PCDHA2: variants seen among roughly 807,000 people sequenced by gnomAD.
PCDHA2 encodes protocadherin alpha 2.
PCDHA2 carries 58 observed loss-of-function variants against 66.0 expected under a neutral mutation model. The ratio of observed to expected loss-of-function variants is 0.88; its 90% CI spans 0.71 to 1.09. The LOEUF (loss-of-function observed/expected upper bound fraction) is 1.09. Among genes scored for constraint, PCDHA2 ranks in the 50% least tolerant of loss-of-function variants. The probability of loss-of-function intolerance (pLI) is 0.00; values close to 1 mark genes in which losing one functional copy is unlikely to be tolerated. For missense variants in PCDHA2, 1,267 were observed against 1,242.3 expected, an observed-to-expected ratio of 1.02 and a Z score of -0.30; for synonymous variants, 634 against 554.0, an observed-to-expected ratio of 1.14 and a Z score of -2.03.
chr5:140,869,320 G>A, intron 1 of PCDHA2: 1 of 1,613,846 alleles, frequency 6.2e-7, no homozygotes, highest in Non-Finnish European at 8.5e-7. Flanking sequence ...AACACATGGG[G>A]ACCTTCTGGA....
intron 3 of PCDHA2, among the ~76,000 whole-genome samples, chr5:140,996,349 A>G (rs2097722990): frequency 6.6e-6 from 1 of 152,184 alleles, no homozygotes; most frequent in African/African-American, 2.4e-5. Flanking sequence ...AACCCAACCA[A>G]AGTCAGAAGC....
chr5:140,976,545 T>C (rs781810490), intron 1 of PCDHA2, among the ~76,000 whole-genome samples: 1 of 152,078 alleles, frequency 6.6e-6, no homozygotes, highest in Non-Finnish European at 1.5e-5. Flanking sequence ...AGTAAGACCC[T>C]ATCTCATAAA....
chr5:140,964,909 A>G (rs1164322313), intron 1 of PCDHA2, among the ~76,000 whole-genome samples: 1 of 152,208 alleles, frequency 6.6e-6, no homozygotes, highest in African/African-American at 2.4e-5. Context: ...GCTTCTCTGG[A>G]ATAACACTGG....
chr5:141,007,678 A>T (rs1472767852), intron 3 of PCDHA2, among the ~76,000 whole-genome samples: 1 of 152,236 alleles, frequency 6.6e-6, no homozygotes, highest in Non-Finnish European at 1.5e-5. Context: ...GACAAAAGTT[A>T]TCCTACTTCC....
At chr5:140,834,520 GC>G in intron 1 of PCDHA2, 1 of 1,614,066 alleles carries the variant, frequency 6.2e-7, no homozygotes, top group Non-Finnish European at 8.5e-7. Flanking sequence ...AACTTCGTGG[GC>G]CGCATCGCGC....
At chr5:140,884,068 T>A (rs1554181200) in intron 1 of PCDHA2, 1 of 1,613,416 alleles carries the variant, frequency 6.2e-7, no homozygotes. Context: ...TGGACGCCGA[T>A]TCGGGCTACA....
chr5:140,840,849 C>G (rs1369023215), intron 1 of PCDHA2, among the ~76,000 whole-genome samples: 2 of 151,942 alleles, frequency 1.3e-5, no homozygotes, highest in Non-Finnish European at 2.9e-5. Context: ...TGCATTTCTT[C>G]CACACGAAAC....
chr5:140,850,299 G>C (rs2150478562), intron 1 of PCDHA2: 2 of 1,596,610 alleles, frequency 1.3e-6, no homozygotes, highest in East Asian at 2.2e-5. Context: ...CGCCGACTCG[G>C]GCTACAACGC....
intron 1 of PCDHA2, among the ~76,000 whole-genome samples, chr5:140,798,642 C>T (rs1554120711): frequency 6.6e-6 from 1 of 152,200 alleles, no homozygotes; most frequent in African/African-American, 2.4e-5. Context: ...TGTGAGCTCA[C>T]TCAATTTTAC....
At chr5:140,994,848 T>C (rs1453646097) in intron 3 of PCDHA2, among the ~76,000 whole-genome samples, 2 of 151,686 alleles carry the variant, frequency 1.3e-5, no homozygotes, top group East Asian at 3.9e-4. Flanking sequence ...ATAAGATGAG[T>C]GCATTTGATG....
intron 1 of PCDHA2, chr5:140,851,907 T>A: frequency 3.1e-6 from 3 of 970,432 alleles, no homozygotes; most frequent in Non-Finnish European, 2.5e-6. Flanking sequence ...CTCTTTAATG[T>A]CACTACATGT....
intron 1 of PCDHA2, among the ~76,000 whole-genome samples, chr5:140,963,206 A>C (rs988428405): frequency 2.0e-5 from 3 of 152,084 alleles, no homozygotes; most frequent in East Asian, 1.9e-4. Flanking sequence ...GAAAAAAAAA[A>C]CCTCGTGTTT....
chr5:140,852,232 T>A (rs1441900683), intron 1 of PCDHA2: 2 of 602,048 alleles, frequency 3.3e-6, no homozygotes, highest in African/African-American at 4.0e-5. Context: ...TTTTAAATTT[T>A]CCCTTAAAAC....
Position 140,796,274 on chromosome 5 carries a change from C to T in PCDHA2, c.1310C>T (p.Ala437Val), listed in dbSNP as rs1335115262. The T allele has an allele frequency of 1.9e-5, 30 of 1,613,974 alleles. No homozygotes were observed. Among genetic ancestry groups the T allele is most frequent in the Non-Finnish European group, 2.4e-5 (28 of 1,180,054 alleles). Residue 437 changes from alanine (A) to valine (V), a missense_variant, in exon 1 of 4, where the codon GCC becomes GTC. Ala to Val is a moderately conservative substitution (Grantham distance 64). Coordinates refer to ENST00000526136, the MANE Select transcript of PCDHA2 (RefSeq NM_018905.3). ...GACGGGGGCTCGCCTTCACTGTGGGCCACCACCAGCGTGTCCATCGAGGTG... is the reference window on the plus strand; with the variant it reads ...GACGGGGGCTCGCCTTCACTGTGGGTCACCACCAGCGTGTCCATCGAGGTG... ...ARDGGSPSLW[A>V]TTSVSIEVAD...
intron 3 of PCDHA2, among the ~76,000 whole-genome samples, chr5:141,007,029 T>C (rs2098299696): frequency 6.6e-6 from 1 of 152,154 alleles, no homozygotes; most frequent in Non-Finnish European, 1.5e-5. Context: ...ATATGGTATT[T>C]ATATCTATGG....
rs2150178565 is a variant in PCDHA2, at chr5:140,829,957, T to C, written c.2388+32605T>C. ...CGGCAAGCAGCGCTCGCTTCCCGTT[T>C]CGCGTGGGGCTGTACACGGGCGAGA... On this transcript the variant is annotated intron_variant, in intron 1 of 3. Transcript: ENST00000526136. 2.4e-5 allele frequency: 39 copies of C among 1,613,964 alleles called. No homozygotes were observed. In the East Asian group the frequency reaches 3.1e-4, roughly 13 times the overall value.
At chr5:140,974,721 G>T (rs1033117636) in intron 1 of PCDHA2, among the ~76,000 whole-genome samples, 1 of 152,050 alleles carries the variant, frequency 6.6e-6, no homozygotes, top group Non-Finnish European at 1.5e-5. Context: ...AGCTGCTCTC[G>T]AACTCCTGTC....
Position 140,842,785 on chromosome 5 carries a change from G to C in PCDHA2, c.2388+45433G>C, listed in dbSNP as rs2150344223. On this transcript the variant is annotated intron_variant, in intron 1 of 3. Coordinates refer to ENST00000526136, the MANE Select transcript of PCDHA2 (RefSeq NM_018905.3). ...GAGACGCGGACGCGCAGGAGAACGC[G>C]CTGGTGTCCTACTCGCTTGTGGAGC... 6.5e-5 allele frequency: 103 copies of C among 1,594,472 alleles called. 8 individuals carry two copies. Among genetic ancestry groups the C allele is most frequent in the South Asian group, 4.4e-4 (40 of 90,456 alleles).
chr5:140,841,833 G>A (rs2150323883), intron 1 of PCDHA2: 2 of 1,613,938 alleles, frequency 1.2e-6, no homozygotes, highest in South Asian at 2.2e-5. Context: ...TTAACCTACA[G>A]GCTTAGCTCT....
Sources: gnomAD v4.1 joint callset for allele counts (sites outside exome capture counted in the v4.1 genomes callset) on GRCh38, gnomAD v4.1.1 for gene constraint, MANE v1.5 for transcripts, NCBI Gene and HGNC (gene_info 2026-07-23, HGNC 2026-07-21) for gene names.